Variants in UGT1A8 observed in about 807,000 individuals in gnomAD.
UGT1A8 encodes UDP-glucuronosyltransferase 1A8.
A neutral mutation model predicts 45.3 loss-of-function variants in UGT1A8; 39 were observed. The observed-to-expected ratio is 0.86, with a 90% CI of 0.67 to 1.12. The LOEUF (loss-of-function observed/expected upper bound fraction) is 1.12, where lower values mean the gene tolerates loss of function less well. UGT1A8 is among the 50% of genes most tolerant of loss of function. UGT1A8 has a pLI of 0.00. For synonymous variants in UGT1A8, 275 were observed against 249.2 expected, an observed-to-expected ratio of 1.10 and a Z score of -0.97; for missense variants, 719 against 664.9, an observed-to-expected ratio of 1.08 and a Z score of -0.90.
At chr2:233,625,208 T>G (rs757980032) in intron 1 of UGT1A8, among the ~76,000 whole-genome samples, 2 of 152,050 alleles carry the variant, frequency 1.3e-5, no homozygotes, top group Non-Finnish European at 2.9e-5. Context: ...TCACTAATCA[T>G]CAGAGAAATG....
At position 233,618,223 on chromosome 2, in the gene UGT1A8, A is replaced by G; in HGVS notation, c.516A>G (p.Ile172Met). 6.2e-7 allele frequency: 1 copy of G among 1,613,958 alleles called. No homozygotes were observed. The highest frequency in any genetic ancestry group is 1.7e-4 in the Middle Eastern group (1 of 6,058). ...SLPSVVFARG[I>M]ACHYLEEGAQ... The stretch of plus-strand genomic sequence containing the variant: ...CCTCTGTGGTCTTCGCCAGGGGAAT[A>G]GCTTGCCACTATCTTGAAGAAGGTG... The change falls in exon 1 of 5, where the codon ATA becomes ATG. Residue 172 changes from isoleucine (I) to methionine (M), a missense_variant. By Grantham distance (10) the Ile-to-Met change is conservative (BLOSUM62 1). Transcript: ENST00000373450.
intron 1 of UGT1A8, chr2:233,691,073 G>A (rs1251480486): frequency 1.0e-6 from 1 of 986,174 alleles, no homozygotes; most frequent in East Asian, 1.1e-4. Flanking sequence ...TAAAGAATGT[G>A]AAGTTTGTAG....
At chr2:233,648,786 G>A (rs898515566) in intron 1 of UGT1A8, 2 of 864,546 alleles carry the variant, frequency 2.3e-6, no homozygotes, top group South Asian at 2.8e-5. Flanking sequence ...CTTTTAAGGA[G>A]AGAGTAAGGA....
At chr2:233,744,264 T>C (rs1692755909) in intron 1 of UGT1A8, among the ~76,000 whole-genome samples, 2 of 151,788 alleles carry the variant, frequency 1.3e-5, no homozygotes, top group Admixed American at 1.3e-4. Flanking sequence ...CTGTTTTTCT[T>C]AAAGTAGGCT....
At chr2:233,761,602 T>C (rs529551747) in intron 1 of UGT1A8, among the ~76,000 whole-genome samples, 4 of 152,366 alleles carry the variant, frequency 2.6e-5, no homozygotes, top group African/African-American at 9.6e-5. Flanking sequence ...AGCTCCAGTT[T>C]CTAAATATTC....
rs563584394 is a variant in UGT1A8, at chr2:233,667,639, A to G, written c.855+49077A>G. Among the ~76,000 whole-genome samples the G allele has an allele frequency of 1.1e-3, 172 of 152,350 alleles. 1 individual carries two copies. The highest frequency in any genetic ancestry group is 3.7e-3 in the African/African-American group (153 of 41,574). ...AATTTTGGAATCTACTCATCTGACA[A>G]AGGGCTAATATCCAGAATCTACAAT... On this transcript the variant is annotated intron_variant, in intron 1 of 4. Transcript: ENST00000373450.
rs1402956787 is a variant in UGT1A8 at position 233,772,421 on chromosome 2, C to T, written c.1455C>T (p.Ser485=). 4.3e-6 allele frequency: 7 copies of T among 1,614,232 alleles called. No individual in the cohort carries two copies. The highest frequency in any genetic ancestry group is 1.6e-4 in the Middle Eastern group (1 of 6,062). ...AHDLTWYQYH[S]LDVIGFLLAV... ...ACCTCACCTGGTACCAGTACCATTC[C>T]TTGGACGTGATTGGTTTCCTCTTGG... Residue 485 remains serine (S), a synonymous_variant, in exon 5 of 5, where the codon TCC becomes TCT. Transcript: ENST00000373450.
intron 1 of UGT1A8, among the ~76,000 whole-genome samples, chr2:233,635,602 G>A (rs2073270952): frequency 6.6e-6 from 1 of 150,640 alleles, no homozygotes. Flanking sequence ...CATGATATAT[G>A]GAGGGGACAA....
At chr2:233,766,900 T>A (rs1336240432) in intron 1 of UGT1A8, 134 bp from the exon 2 acceptor site, 2 of 1,488,982 alleles carry the variant, frequency 1.3e-6, no homozygotes, top group Admixed American at 4.8e-5. Flanking sequence ...ATATTAATAA[T>A]TTTTTACTCT....
In UGT1A8 at chr2:233,772,302, G is replaced by A. The variant is rs1458644938; in HGVS notation, c.1336G>A (p.Asp446Asn). Residue 446 changes from aspartate to asparagine, a missense_variant, in exon 5 of 5, where the codon GAC becomes AAC. Physicochemically the swap from Asp to Asn is conservative, Grantham distance 23. Coordinates refer to ENST00000373450, the MANE Select transcript of UGT1A8 (RefSeq NM_019076.5). ...CATGCGCCTCTCCAGCCTTCACAAG[G>A]ACCGCCCGGTGGAGCCGCTGGACCT... ...NIMRLSSLHK[D>N]RPVEPLDLAV... 1 of 1,614,232 alleles carries A rather than the reference G, an allele frequency of 6.2e-7. No individual in the cohort carries two copies.
intron 1 of UGT1A8, among the ~76,000 whole-genome samples, chr2:233,690,280 A>G (rs1258488355): frequency 6.6e-6 from 1 of 152,156 alleles, no homozygotes; most frequent in African/African-American, 2.4e-5. Context: ...GTCCTTTGAA[A>G]TCTTGCAGGT....
At chr2:233,689,906 T>A in intron 1 of UGT1A8, 1 of 456,754 alleles carries the variant, frequency 2.2e-6, no homozygotes, top group South Asian at 1.5e-5. Flanking sequence ...CAGGGCCAGG[T>A]AGGTGCCTGG....
chr2:233,735,492 A>G (rs997363481), intron 1 of UGT1A8, among the ~76,000 whole-genome samples: 3 of 152,118 alleles, frequency 2.0e-5, no homozygotes, highest in African/African-American at 7.2e-5. Flanking sequence ...TTTTAATTGC[A>G]GCATTTAGCC....
At position 233,618,379 on chromosome 2, in the gene UGT1A8, C is replaced by A; in HGVS notation, c.672C>A (p.Ser224=). 1 of 1,613,856 alleles carries A rather than the reference C, an allele frequency of 6.2e-7. No individual in the cohort carries two copies. Among genetic ancestry groups the A allele is most frequent in the Non-Finnish European group, 8.5e-7 (1 of 1,179,820 alleles). Residue 224 remains serine (S), a synonymous_variant, in exon 1 of 5, where the codon TCC becomes TCA. Coordinates refer to ENST00000373450, the MANE Select transcript of UGT1A8 (RefSeq NM_019076.5). Reference sequence around the variant, plus strand: ...AACATTTATTTTGCCAGTATTTTTCCAAAAATGCCCTAGAAATAGCCTCTG... The same window carrying A: ...AACATTTATTTTGCCAGTATTTTTCAAAAAATGCCCTAGAAATAGCCTCTG... ...LEEHLFCQYF[S]KNALEIASEI...
At chr2:233,747,748 A>G in intron 1 of UGT1A8, 1 of 1,613,310 alleles carries the variant, frequency 6.2e-7, no homozygotes, top group Non-Finnish European at 8.5e-7. Flanking sequence ...ATTCCATGTG[A>G]TTTAGACTTT....
At chr2:233,641,032 A>G (rs1323564656) in intron 1 of UGT1A8, among the ~76,000 whole-genome samples, 2 of 152,182 alleles carry the variant, frequency 1.3e-5, no homozygotes, top group Non-Finnish European at 2.9e-5. Flanking sequence ...CTCAGCTGAT[A>G]GAAAAATGCA....
intron 1 of UGT1A8, among the ~76,000 whole-genome samples, chr2:233,727,802 A>G (rs1335895993): frequency 2.0e-5 from 3 of 152,156 alleles, no homozygotes; most frequent in East Asian, 1.9e-4. Context: ...TGCCTGTCCC[A>G]TGGGTTCTGT....
At chr2:233,644,443 C>T (rs1055976833) in intron 1 of UGT1A8, among the ~76,000 whole-genome samples, 6 of 152,032 alleles carry the variant, frequency 3.9e-5, no homozygotes, top group South Asian at 2.1e-4. Context: ...TGGTGCATGC[C>T]GGTAATCCCA....
chr2:233,699,724 G>A (rs908175905), intron 1 of UGT1A8, among the ~76,000 whole-genome samples: 2 of 152,272 alleles, frequency 1.3e-5, no homozygotes, highest in South Asian at 2.1e-4. Context: ...CATTTTTTAC[G>A]GAGCGTTTTC....
Sources: gnomAD v4.1 joint callset for allele counts (sites outside exome capture counted in the v4.1 genomes callset) on GRCh38, gnomAD v4.1.1 for gene constraint, MANE v1.5 for transcripts, NCBI Gene and HGNC (gene_info 2026-07-23, HGNC 2026-07-21) for gene names.